Variants in CENPP observed in about 807,000 individuals in gnomAD.
CENPP encodes the protein centromere protein P.
In CENPP, 24 loss-of-function variants were observed where a neutral mutation model predicts 35.6. That is an observed-to-expected ratio of 0.67 (90% CI 0.49 to 0.95). The LOEUF (loss-of-function observed/expected upper bound fraction) is 0.95. Among genes scored for constraint, CENPP ranks in the 40% least tolerant of loss-of-function variants. The pLI is 0.00. For synonymous variants in CENPP, 120 were observed against 125.5 expected (o/e 0.96, Z 0.29); for missense variants, 332 against 345.3 (o/e 0.96, Z 0.31).
chr9:92,358,952 C>CTTTT (rs547707825), intron 4 of CENPP, among the ~76,000 whole-genome samples: 1 of 122,378 alleles, frequency 8.2e-6, no homozygotes, highest in Non-Finnish European at 1.7e-5. Flanking sequence ...TTCTTTCTTT[C>CTTTT]TTTTTTTTTT....
intron 5 of CENPP, among the ~76,000 whole-genome samples, chr9:92,535,093 T>A (rs113655600): frequency 6.7e-6 from 1 of 149,958 alleles, no homozygotes; most frequent in Admixed American, 6.7e-5. Flanking sequence ...TACCTCTCTT[T>A]CTTTTTTTCC....
intron 5 of CENPP, among the ~76,000 whole-genome samples, chr9:92,596,396 A>C (rs1234046158): frequency 1.4e-5 from 2 of 147,506 alleles, no homozygotes; most frequent in African/African-American, 5.0e-5. Context: ...GGGCCAAGCC[A>C]AGCCCTGGAG....
chr9:92,552,125 G>T (rs1849623427), intron 5 of CENPP, among the ~76,000 whole-genome samples: 1 of 140,908 alleles, frequency 7.1e-6, no homozygotes, highest in South Asian at 2.2e-4. Context: ...TGATATGATA[G>T]ATCTATCATA....
intron 5 of CENPP, among the ~76,000 whole-genome samples, chr9:92,455,789 A>G (rs1200680506): frequency 6.6e-6 from 1 of 152,236 alleles, no homozygotes. Flanking sequence ...AATTTACATT[A>G]GGCCAGGCTC....
intron 5 of CENPP, chr9:92,502,802 G>GTA: frequency 1.8e-5 from 7 of 384,804 alleles, no homozygotes; most frequent in South Asian, 5.3e-5. Flanking sequence ...TTTTTAAGTT[G>GTA]TCTTTTTTTT....
intron 4 of CENPP, among the ~76,000 whole-genome samples, chr9:92,378,341 G>C (rs1802395601): frequency 6.6e-6 from 1 of 152,240 alleles, no homozygotes; most frequent in South Asian, 2.1e-4. Flanking sequence ...GTTGGTTAGA[G>C]GGAATGGTCT....
chr9:92,573,902 C>T (rs570963136), intron 5 of CENPP, among the ~76,000 whole-genome samples: 6 of 152,174 alleles, frequency 3.9e-5, no homozygotes, highest in South Asian at 4.1e-4. Context: ...CTGAGCCAGG[C>T]GCGGGATGTA....
intron 5 of CENPP, chr9:92,502,660 T>G (rs1228950488): frequency 6.5e-7 from 1 of 1,543,204 alleles, no homozygotes; most frequent in Non-Finnish European, 8.8e-7. Context: ...TTCCTATAAT[T>G]AAGAGAGAAG....
At chr9:92,412,113 G>A (rs544702894) in intron 5 of CENPP, among the ~76,000 whole-genome samples, 3 of 151,552 alleles carry the variant, frequency 2.0e-5, no homozygotes, top group African/African-American at 7.3e-5. Flanking sequence ...TTAGAGACGG[G>A]GTCTCACTCT....
intron 5 of CENPP, among the ~76,000 whole-genome samples, chr9:92,582,059 TTTG>T (rs1850439386): frequency 1.3e-5 from 2 of 152,020 alleles, no homozygotes; most frequent in Admixed American, 1.3e-4. Flanking sequence ...TTTGTTTTGT[TTTG>T]TTTTGTTTTG....
chr9:92,486,586 C>T (rs1283386625), intron 5 of CENPP, among the ~76,000 whole-genome samples: 1 of 152,130 alleles, frequency 6.6e-6, no homozygotes, highest in Non-Finnish European at 1.5e-5. Context: ...CTCCTCTTAC[C>T]CTCTCCTCAC....
intron 5 of CENPP, among the ~76,000 whole-genome samples, chr9:92,413,785 A>G (rs962669920): frequency 6.6e-6 from 1 of 152,230 alleles, no homozygotes; most frequent in Non-Finnish European, 1.5e-5. Flanking sequence ...CTTCATATTC[A>G]TCCTGGATTC....
Position 92,389,705 on chromosome 9 carries a change from G to C in CENPP, c.564+9846G>C, listed in dbSNP as rs1363236034. On this transcript the variant is annotated intron_variant, in intron 5 of 7. Transcript: ENST00000375587. ...AAGCTAGGCTGAATGAGCCTAATAG[G>C]ATGGTTATTTATTATGTAAATAATG... is the stretch of plus-strand genomic sequence containing the variant. 3 of 583,910 alleles carry C rather than the reference G, an allele frequency of 5.1e-6. No individual in the cohort carries two copies. In the Admixed American group the frequency reaches 1.0e-4, roughly 19 times the overall value. 36.2% of individuals were successfully genotyped at this position (583,910 alleles called of 1,614,324 possible).
intron 5 of CENPP, among the ~76,000 whole-genome samples, chr9:92,426,117 G>A (rs1843959328): frequency 6.6e-6 from 1 of 152,132 alleles, no homozygotes; most frequent in Non-Finnish European, 1.5e-5. Context: ...GGAGGTTTAA[G>A]GTGGCAAGGG....
At chr9:92,600,539 G>A (rs1850884712) in intron 5 of CENPP, 1 of 1,612,536 alleles carries the variant, frequency 6.2e-7, no homozygotes, top group Non-Finnish European at 8.5e-7. Flanking sequence ...CACCCCACTG[G>A]GGCTGGGGCA....
chr9:92,506,198 C>T (rs1846999535), intron 5 of CENPP, among the ~76,000 whole-genome samples: 1 of 152,210 alleles, frequency 6.6e-6, no homozygotes, highest in Non-Finnish European at 1.5e-5. Context: ...CAGAAAAGAA[C>T]ACTTTCCCTG....
intron 5 of CENPP, among the ~76,000 whole-genome samples, chr9:92,461,739 A>G (rs1188317332): frequency 3.3e-5 from 5 of 152,118 alleles, no homozygotes; most frequent in South Asian, 4.1e-4. Flanking sequence ...GTCATTCTTG[A>G]TGGATTTATT....
At chr9:92,413,690 G>A (rs1230241180) in intron 5 of CENPP, among the ~76,000 whole-genome samples, 1 of 151,988 alleles carries the variant, frequency 6.6e-6, no homozygotes, top group African/African-American at 2.4e-5. Flanking sequence ...GTTGCACATT[G>A]TACTTTGTTT....
At chr9:92,500,586 T>C in intron 5 of CENPP, 1 of 766,882 alleles carries the variant, frequency 1.3e-6, no homozygotes, top group Non-Finnish European at 2.1e-6. Context: ...ATTACTAACA[T>C]TTGCCAATCT....
Sources: allele counts gnomAD v4.1 joint callset (sites outside exome capture counted in the v4.1 genomes callset), GRCh38; gene constraint gnomAD v4.1.1; transcripts MANE v1.5; gene names NCBI Gene and HGNC (gene_info 2026-07-23, HGNC 2026-07-21).